The following CFAP20DC variants were observed in gnomAD, a reference collection of about 807,000 sequenced individuals.
CFAP20DC encodes the protein CFAP20 domain containing.
CFAP20DC carries 84 observed loss-of-function variants against 101.7 expected under a neutral mutation model. The observed-to-expected ratio is 0.83, with a 90% confidence interval of 0.69 to 0.99. The LOEUF (loss-of-function observed/expected upper bound fraction) is 0.99. Among genes scored for constraint, CFAP20DC ranks in the 50% least tolerant of loss-of-function variants. The pLI is 0.00. For synonymous variants in CFAP20DC, 359 were observed against 351.2 expected (o/e 1.02, Z -0.25); for missense variants, 1,007 against 970.3 (o/e 1.04, Z -0.50).
chr3:58,948,274 C>G (rs2089624330), intron 4 of CFAP20DC, among the ~76,000 whole-genome samples: 1 of 152,240 alleles, frequency 6.6e-6, no homozygotes, highest in South Asian at 2.1e-4. Flanking sequence ...AAAGCCCCTT[C>G]TCTCTTTATT....
intron 4 of CFAP20DC, among the ~76,000 whole-genome samples, chr3:58,979,310 G>C (rs1370897019): frequency 1.3e-5 from 2 of 152,116 alleles, no homozygotes; most frequent in South Asian, 4.1e-4. Context: ...CTTTAATCTA[G>C]GAATAAAAGT....
chr3:58,759,806 G>A (rs897526163), intron 15 of CFAP20DC, among the ~76,000 whole-genome samples: 1 of 152,140 alleles, frequency 6.6e-6, no homozygotes, highest in African/African-American at 2.4e-5. Context: ...TTTCCCCATT[G>A]CTTGTTTTTC....
chr3:58,861,438 G>A lies in CFAP20DC; in HGVS notation c.1593+2120C>T. 1 of 868,622 alleles carries A rather than the reference G, an allele frequency of 1.2e-6. No individual in the cohort carries two copies. Among genetic ancestry groups the A allele is most frequent in the Non-Finnish European group, 1.4e-6 (1 of 723,690 alleles). 53.8% of individuals were successfully genotyped at this position (868,622 alleles called of 1,614,324 possible). Reference sequence around the variant, plus strand: ...ACTGATTTTTCTTCAAAGACTATATGTAAATAAACATTGTAAATATGTAGC... The same window carrying A: ...ACTGATTTTTCTTCAAAGACTATATATAAATAAACATTGTAAATATGTAGC... On this transcript the variant is annotated intron_variant, in intron 12 of 16. Coordinates refer to ENST00000482387, the MANE Select transcript of CFAP20DC (RefSeq NM_001394063.1). This position sits in a 1 kb window ranked among gnomAD's most constrained non-coding sequence, Gnocchi z 4.0.
rs1433855998 is a variant in CFAP20DC at position 58,869,555 on chromosome 3, T to C, written c.853-65A>G. 7.9e-7 allele frequency: 1 copy of C among 1,264,628 alleles called. No individual in the cohort carries two copies. The highest frequency in any genetic ancestry group is 1.5e-5 in the African/African-American group (1 of 65,690). The allele number at this position is 1,264,628 out of a possible 1,614,324, so 78.3% of individuals were successfully genotyped here. A position where few individuals can be genotyped will look rare whatever the true frequency, so the allele number is the denominator to read the frequency against. ...CTACATTTGTTTTCTGTAGAAGCTATATAGAAAACATAATATTTGGACCAA... is the reference window on the plus strand; with the variant it reads ...CTACATTTGTTTTCTGTAGAAGCTACATAGAAAACATAATATTTGGACCAA... On this transcript the variant is annotated intron_variant, in intron 8 of 16. Coordinates refer to ENST00000482387, the MANE Select transcript of CFAP20DC (RefSeq NM_001394063.1). The surrounding 1 kb of genome is among the most constrained non-coding windows in gnomAD (Gnocchi z 4.3).
intron 16 of CFAP20DC, among the ~76,000 whole-genome samples, chr3:58,750,785 T>C (rs2068510699): frequency 6.6e-6 from 1 of 152,212 alleles, no homozygotes; most frequent in Non-Finnish European, 1.5e-5. Flanking sequence ...AGCAGAGCTT[T>C]TATCTCTTCC....
At chr3:58,841,754 T>A (rs1013009904) in intron 13 of CFAP20DC, among the ~76,000 whole-genome samples, 2 of 152,352 alleles carry the variant, frequency 1.3e-5, no homozygotes, top group Admixed American at 1.3e-4. Flanking sequence ...GTCTCTTTCT[T>A]TTCTAAAGAC....
At chr3:58,983,716 T>C (rs972457064) in intron 4 of CFAP20DC, among the ~76,000 whole-genome samples, 1 of 152,210 alleles carries the variant, frequency 6.6e-6, no homozygotes. Context: ...TATATATGGC[T>C]TAATCTGTGC....
At chr3:58,979,197 C>A (rs569622613) in intron 4 of CFAP20DC, among the ~76,000 whole-genome samples, 1 of 152,186 alleles carries the variant, frequency 6.6e-6, no homozygotes, top group African/African-American at 2.4e-5. Context: ...AAGCTAACAA[C>A]AGGCTTTGCA....
At chr3:58,989,919 G>C (rs1056011577) in intron 4 of CFAP20DC, among the ~76,000 whole-genome samples, 2 of 152,120 alleles carry the variant, frequency 1.3e-5, no homozygotes, top group Admixed American at 6.6e-5. Flanking sequence ...CTCTGAGAAA[G>C]GTGGTGGTCA....
Position 59,047,242 on chromosome 3 carries a change from C to T in CFAP20DC, c.34G>A (p.Val12Ile), listed in dbSNP as rs1385947500. 98 of 1,531,846 alleles carry T rather than the reference C, an allele frequency of 6.4e-5. No homozygotes were observed. Among genetic ancestry groups the T allele is most frequent in the East Asian group, 1.5e-4 (6 of 40,896 alleles). 94.9% of individuals were successfully genotyped at this position (1,531,846 alleles called of 1,614,324 possible). Reference sequence around the variant, plus strand: ...TTTCCTTGAGCACTGAAAATTTCAACAAATGCACCTCCCTAGAAAATGAAA... The same window carrying T: ...TTTCCTTGAGCACTGAAAATTTCAATAAATGCACCTCCCTAGAAAATGAAA... ...FKNEYQGGAFVEIFSAQGKNP... is the reference protein window; with the variant it reads ...FKNEYQGGAFIEIFSAQGKNP... The change falls in exon 2 of 17, where the codon GTT becomes ATT. Residue 12 changes from valine (V) to isoleucine (I), a missense_variant. By Grantham distance (29) the Val-to-Ile change is conservative. Coordinates refer to ENST00000482387, the MANE Select transcript of CFAP20DC (RefSeq NM_001394063.1).
intron 3 of CFAP20DC, among the ~76,000 whole-genome samples, chr3:59,042,269 G>C (rs1699458763): frequency 6.6e-6 from 1 of 152,066 alleles, no homozygotes; most frequent in Admixed American, 6.6e-5. Context: ...TGATAGGAGA[G>C]ACAGAAGAGG....
At chr3:58,951,455 C>A (rs1016682127) in intron 4 of CFAP20DC, among the ~76,000 whole-genome samples, 1 of 152,136 alleles carries the variant, frequency 6.6e-6, no homozygotes, top group Admixed American at 6.6e-5. Flanking sequence ...GACACATGCA[C>A]ACGTATGTTT....
At chr3:58,837,223 C>T (rs1363060699) in intron 13 of CFAP20DC, among the ~76,000 whole-genome samples, 5 of 152,128 alleles carry the variant, frequency 3.3e-5, no homozygotes, top group Non-Finnish European at 1.5e-5. Flanking sequence ...TATTAAAAGT[C>T]TAAGATTCTA....
intron 6 of CFAP20DC, among the ~76,000 whole-genome samples, chr3:58,890,192 C>A (rs1440653513): frequency 6.8e-6 from 1 of 148,008 alleles, no homozygotes; most frequent in Non-Finnish European, 1.5e-5. Flanking sequence ...CTGACCCCCC[C>A]ACCTCCCTCC....
intron 15 of CFAP20DC, among the ~76,000 whole-genome samples, chr3:58,773,143 T>C (rs73837956): frequency 2.0e-5 from 3 of 151,908 alleles, no homozygotes; most frequent in South Asian, 2.1e-4. Flanking sequence ...CAAATGCTTA[T>C]GAAACATAGG....
intron 4 of CFAP20DC, among the ~76,000 whole-genome samples, chr3:58,942,509 G>A (rs1454950504): frequency 6.6e-6 from 1 of 152,188 alleles, no homozygotes; most frequent in Admixed American, 6.5e-5. Context: ...GAAGCCGTGA[G>A]GGACTGTGCC....
intron 6 of CFAP20DC, among the ~76,000 whole-genome samples, chr3:58,907,250 T>C (rs760663260): frequency 3.8e-4 from 58 of 152,260 alleles, no homozygotes; most frequent in Non-Finnish European, 7.2e-4. Flanking sequence ...GGTAGTCAAA[T>C]TTTTCTTAAC....
intron 3 of CFAP20DC, among the ~76,000 whole-genome samples, chr3:59,043,828 A>T (rs1374105295): frequency 6.6e-6 from 1 of 152,192 alleles, no homozygotes; most frequent in African/African-American, 2.4e-5. Flanking sequence ...CTCAAGTCTC[A>T]TTATCAAGGC....
At chr3:58,797,770 T>C (rs2073364790) in intron 15 of CFAP20DC, among the ~76,000 whole-genome samples, 1 of 152,218 alleles carries the variant, frequency 6.6e-6, no homozygotes, top group Non-Finnish European at 1.5e-5. Flanking sequence ...TGGGGGCTAA[T>C]GCAGCTGGTG....
Sources: allele counts gnomAD v4.1 joint callset (sites outside exome capture counted in the v4.1 genomes callset), GRCh38; gene constraint gnomAD v4.1.1; non-coding constraint Gnocchi (gnomAD v3.1); transcripts MANE v1.5; gene names NCBI Gene and HGNC (gene_info 2026-07-23, HGNC 2026-07-21).